Variants in CACNA2D1 observed in about 807,000 individuals in gnomAD.
The protein encoded by CACNA2D1 is voltage-dependent calcium channel subunit alpha-2/delta-1.
CACNA2D1 carries 53 observed loss-of-function variants against 171.5 expected under a neutral mutation model. The observed-to-expected ratio is 0.31, with a 90% confidence interval of 0.25 to 0.39. CACNA2D1 has a LOEUF of 0.39. CACNA2D1 is among the 10% of genes least tolerant of loss of function. CACNA2D1 has a pLI of 1.00. For synonymous variants in CACNA2D1, 442 were observed against 443.1 expected (o/e 1.00, Z 0.03); for missense variants, 903 against 1,299.8 (o/e 0.69, Z 4.69).
At chr7:82,235,780 G>A (rs1803512902) in intron 3 of CACNA2D1, among the ~76,000 whole-genome samples, 1 of 151,956 alleles carries the variant, frequency 6.6e-6, no homozygotes, top group African/African-American at 2.4e-5. Context: ...GGATATTTCG[G>A]CTTTGAGATA....
intron 4 of CACNA2D1, among the ~76,000 whole-genome samples, chr7:82,141,072 T>G (rs1490905974): frequency 2.0e-5 from 3 of 152,084 alleles, no homozygotes; most frequent in Non-Finnish European, 2.9e-5. Flanking sequence ...AAAATCATAT[T>G]TTGGAGAAGC....
rs139580408 is a variant in CACNA2D1, at chr7:82,119,244, T to A, written c.397-2071A>T. 3.3e-3 allele frequency among the ~76,000 whole-genome samples: 500 copies of A among 152,308 alleles called. 5 individuals are homozygous for A. The highest frequency in any genetic ancestry group is 0.028 in the South Asian group (136 of 4,830). The stretch of plus-strand genomic sequence containing the variant: ...ATCTTCTGAAGTCTACAGACCACCA[T>A]ATACAAATGTGTACAGAGAAAATGA... On this transcript the variant is annotated intron_variant, in intron 5 of 38. Transcript: ENST00000356860.
At chr7:82,289,684 T>C (rs1055993728) in intron 3 of CACNA2D1, among the ~76,000 whole-genome samples, 1 of 152,236 alleles carries the variant, frequency 6.6e-6, no homozygotes, top group Non-Finnish European at 1.5e-5. Flanking sequence ...TATCAACAAA[T>C]ACTTGGCTCT....
chr7:82,237,962 G>T (rs1399967315), intron 3 of CACNA2D1, among the ~76,000 whole-genome samples: 3 of 151,590 alleles, frequency 2.0e-5, no homozygotes. Flanking sequence ...TGTTACTCAT[G>T]GTTGCTTATA....
At chr7:82,272,888 T>C (rs1288065477) in intron 3 of CACNA2D1, among the ~76,000 whole-genome samples, 1 of 152,084 alleles carries the variant, frequency 6.6e-6, no homozygotes, top group Non-Finnish European at 1.5e-5. Flanking sequence ...TGAGAAAGAC[T>C]CATTCAGGTA....
At chr7:82,177,501 T>A (rs574531094) in intron 3 of CACNA2D1, among the ~76,000 whole-genome samples, 2 of 152,158 alleles carry the variant, frequency 1.3e-5, no homozygotes, top group African/African-American at 4.8e-5. Flanking sequence ...CAAATTACAA[T>A]CAATGGTGTA....
chr7:81,957,605 A>C (rs528813951), intron 38 of CACNA2D1, among the ~76,000 whole-genome samples: 2 of 152,116 alleles, frequency 1.3e-5, no homozygotes, highest in African/African-American at 4.8e-5. Context: ...CACAGAAGAC[A>C]TACAAGATGA....
intron 3 of CACNA2D1, among the ~76,000 whole-genome samples, chr7:82,238,723 C>T (rs1196726431): frequency 1.3e-5 from 2 of 152,056 alleles, no homozygotes; most frequent in Non-Finnish European, 1.5e-5. Flanking sequence ...TTGACTTAGA[C>T]ACTTTTGTAT....
intron 10 of CACNA2D1, among the ~76,000 whole-genome samples, chr7:82,051,291 T>C (rs1805171582): frequency 6.6e-6 from 1 of 152,194 alleles, no homozygotes; most frequent in African/African-American, 2.4e-5. Flanking sequence ...CTCACCTTCC[T>C]TTCCAGCCTC....
chr7:82,006,386 A>T (rs1473288394), intron 16 of CACNA2D1, among the ~76,000 whole-genome samples: 2 of 152,046 alleles, frequency 1.3e-5, no homozygotes, highest in Non-Finnish European at 2.9e-5. Flanking sequence ...ACTTCTATAT[A>T]CCAAGCAACA....
intron 3 of CACNA2D1, among the ~76,000 whole-genome samples, chr7:82,295,423 A>AC (rs1295662204): frequency 6.0e-4 from 90 of 151,122 alleles, no homozygotes; most frequent in African/African-American, 2.0e-3. Context: ...TGCAGCCTTG[A>AC]CCCCCCAGGC....
intron 3 of CACNA2D1, among the ~76,000 whole-genome samples, chr7:82,217,390 C>CATATATAT (rs1199331212): frequency 3.7e-5 from 2 of 54,446 alleles, no homozygotes; most frequent in African/African-American, 2.6e-4. Context: ...CACACACACA[C>CATATATAT]ATACATATAT....
intron 31 of CACNA2D1, 127 bp downstream of exon 31, chr7:81,967,042 C>T: frequency 3.0e-6 from 2 of 663,516 alleles, no homozygotes; most frequent in Non-Finnish European, 5.3e-6. Context: ...TATATTATTT[C>T]ACATTTCCAT....
At chr7:82,163,656 G>C (rs1396181560) in intron 4 of CACNA2D1, among the ~76,000 whole-genome samples, 1 of 151,964 alleles carries the variant, frequency 6.6e-6, no homozygotes, top group Non-Finnish European at 1.5e-5. Flanking sequence ...AAAACCTTTT[G>C]GGTTGGAAAT....
At chr7:82,036,822 T>A (rs1414494036) in intron 11 of CACNA2D1, among the ~76,000 whole-genome samples, 2 of 152,198 alleles carry the variant, frequency 1.3e-5, no homozygotes, top group Admixed American at 6.5e-5. Context: ...AAGAGTTCAT[T>A]CAGTGATTCA....
chr7:82,118,460 A>G (rs1271485792), intron 5 of CACNA2D1, among the ~76,000 whole-genome samples: 1 of 152,134 alleles, frequency 6.6e-6, no homozygotes, highest in East Asian at 1.9e-4. Flanking sequence ...GTAGAGGGAG[A>G]AATGAATGGA....
At chr7:82,415,381 A>C (rs1289061732) in intron 1 of CACNA2D1, among the ~76,000 whole-genome samples, 1 of 152,048 alleles carries the variant, frequency 6.6e-6, no homozygotes, top group Non-Finnish European at 1.5e-5. Flanking sequence ...TAAAAACACA[A>C]AAATTAGCTG....
intron 1 of CACNA2D1, among the ~76,000 whole-genome samples, chr7:82,411,895 TCACACACACACA>T (rs5885295): frequency 6.9e-6 from 1 of 144,886 alleles, no homozygotes; most frequent in East Asian, 2.1e-4. Context: ...AAACTAAATC[TCACACACACACA>T]CACACACACA....
At chr7:82,270,376 T>C (rs960023187) in intron 3 of CACNA2D1, among the ~76,000 whole-genome samples, 16 of 152,164 alleles carry the variant, frequency 1.1e-4, no homozygotes, top group Non-Finnish European at 2.1e-4. Context: ...GCTCTTTGGC[T>C]CATCACTATT....
Sources: allele counts gnomAD v4.1 joint callset (sites outside exome capture counted in the v4.1 genomes callset), GRCh38; gene constraint gnomAD v4.1.1; transcripts MANE v1.5; gene names NCBI Gene and HGNC (gene_info 2026-07-23, HGNC 2026-07-21).